The following CFAP92 variants were observed in gnomAD, a reference collection of about 807,000 sequenced individuals.
CFAP92 encodes cilia and flagella associated protein 92 (putative), also known as uncharacterized protein CFAP92.
CFAP92 carries 86 observed loss-of-function variants against 106.3 expected under a neutral mutation model. That is an observed-to-expected ratio of 0.81 (90% CI 0.68 to 0.97). The LOEUF (loss-of-function observed/expected upper bound fraction) is 0.97. Ranked by LOEUF, CFAP92 falls within the 50% of genes least tolerant of loss-of-function variation. The pLI is 0.00. For synonymous variants in CFAP92, 477 were observed against 506.4 expected, an observed-to-expected ratio of 0.94 and a Z score of 0.78; for missense variants, 1,204 against 1,283.8, an observed-to-expected ratio of 0.94 and a Z score of 0.95.
At chr3:128,944,987 T>C (rs1940059834) in intron 10 of CFAP92, 84 bp downstream of exon 10, 1 of 1,212,282 alleles carries the variant, frequency 8.2e-7, no homozygotes. Context: ...ATGCTAAACC[T>C]AGGCTTGGCT....
upstream of CFAP92, among the ~76,000 whole-genome samples, chr3:129,002,947 T>C (rs746087275): frequency 7.9e-5 from 12 of 151,570 alleles, no homozygotes; most frequent in Non-Finnish European, 1.6e-4. Flanking sequence ...AACCATGGGG[T>C]GAGATAGGGA....
chr3:128,979,974 A>G (rs1218932309), intron 4 of CFAP92, among the ~76,000 whole-genome samples: 1 of 147,432 alleles, frequency 6.8e-6, no homozygotes, highest in Non-Finnish European at 1.5e-5. Flanking sequence ...ATATATATAA[A>G]AGAAAAAAGA....
At chr3:128,956,683 T>TAA (rs1009703358) in intron 9 of CFAP92, among the ~76,000 whole-genome samples, 1 of 147,776 alleles carries the variant, frequency 6.8e-6, no homozygotes, top group African/African-American at 2.5e-5. Context: ...TTTCAAGTGT[T>TAA]AAAAAAAAAA....
At chr3:128,958,012 T>C (rs1465281334) in intron 9 of CFAP92, among the ~76,000 whole-genome samples, 1 of 152,184 alleles carries the variant, frequency 6.6e-6, no homozygotes, top group Non-Finnish European at 1.5e-5. Context: ...CCACTTTCCA[T>C]GTGGCGTTCT....
intron 15 of CFAP92, chr3:128,913,093 T>C (rs1425511342): frequency 2.2e-6 from 1 of 452,534 alleles, no homozygotes; most frequent in Non-Finnish European, 4.4e-6. Flanking sequence ...GAATATAAAA[T>C]GTCACAATCT....
chr3:129,009,839 C>T, the CFAP92 span, among the ~76,000 whole-genome samples: 585 of 152,340 alleles, frequency 3.8e-3, 6 homozygotes, highest in African/African-American at 0.013. Context: ...TTCCTGGATG[C>T]TGGGTGCTTT....
chr3:128,938,491 C>CTT (rs11361650), intron 10 of CFAP92, among the ~76,000 whole-genome samples: 116 of 135,834 alleles, frequency 8.5e-4, no homozygotes, highest in African/African-American at 2.7e-3. Context: ...CTTCACCATT[C>CTT]TTTTTTTTTT....
chr3:129,013,975 G>A, the CFAP92 span, among the ~76,000 whole-genome samples: 3 of 152,282 alleles, frequency 2.0e-5, no homozygotes, highest in Admixed American at 6.5e-5. Flanking sequence ...TTGGGGGTGG[G>A]GGCTTTTCCG....
At chr3:128,988,972 C>T in intron 2 of CFAP92, 54 bp from the exon 3 acceptor site, 1 of 1,373,102 alleles carries the variant, frequency 7.3e-7, no homozygotes, top group Non-Finnish European at 1.0e-6. Context: ...GAAAAGCAGA[C>T]CCGTCTCCCC....
At chr3:129,024,751 A>G in the CFAP92 span, among the ~76,000 whole-genome samples, 3 of 151,752 alleles carry the variant, frequency 2.0e-5, no homozygotes, top group Non-Finnish European at 4.4e-5. Context: ...GTGAGGGCAG[A>G]GCTCTCATGG....
intron 11 of CFAP92, among the ~76,000 whole-genome samples, chr3:128,934,462 A>G (rs1938761336): frequency 6.6e-6 from 1 of 151,656 alleles, no homozygotes; most frequent in Non-Finnish European, 1.5e-5. Flanking sequence ...CAGGTGATCC[A>G]CCCGCCTTGG....
Position 128,978,094 on chromosome 3 carries a change from A to T in CFAP92, c.759T>A (p.His253Gln), listed in dbSNP as rs779792164. The T allele has an allele frequency of 6.2e-7, 1 of 1,613,846 alleles. No homozygotes were observed. The highest frequency in any genetic ancestry group is 8.5e-7 in the Non-Finnish European group (1 of 1,179,880). ...CTGTTTTTTCTTGTTTTCCTGGCGGATGTTCCTGGTTCGACTCTTCTCTGA... is the reference window on the plus strand; with the variant it reads ...CTGTTTTTTCTTGTTTTCCTGGCGGTTGTTCCTGGTTCGACTCTTCTCTGA... ...NIVREESNQEHPPGKQEKTEK... is the reference protein window; with the variant it reads ...NIVREESNQEQPPGKQEKTEK... Residue 253 changes from histidine to glutamine, a missense_variant, in exon 5 of 16, where the codon CAT (histidine) becomes CAA (glutamine). His to Gln is a conservative substitution (Grantham distance 24). Transcript: ENST00000645291.
intron 15 of CFAP92, among the ~76,000 whole-genome samples, chr3:128,913,316 G>A (rs961121751): frequency 6.6e-6 from 1 of 152,180 alleles, no homozygotes; most frequent in African/African-American, 2.4e-5. Flanking sequence ...ATCCTTCTCA[G>A]GAGATGATGG....
chr3:128,935,469 T>C (rs1273181393), intron 10 of CFAP92, 150 bp from the exon 11 acceptor site: 6 of 507,048 alleles, frequency 1.2e-5, no homozygotes, highest in Non-Finnish European at 1.7e-5. Flanking sequence ...CCCAGCACTT[T>C]GGGAGGCTGA....
intron 9 of CFAP92, among the ~76,000 whole-genome samples, chr3:128,960,295 A>C (rs1941791775): frequency 6.6e-6 from 1 of 152,194 alleles, no homozygotes; most frequent in Admixed American, 6.5e-5. Flanking sequence ...TTGGGAGATC[A>C]ATCCCCCGTC....
At chr3:129,002,505 C>A in intron 1 of CFAP92, 1 of 1,213,572 alleles carries the variant, frequency 8.2e-7, no homozygotes, top group Non-Finnish European at 1.1e-6. Context: ...CATTCCACTC[C>A]AGTCCCCAAC....
chr3:129,003,440 C>A, upstream of CFAP92: 1 of 290,270 alleles, frequency 3.4e-6, no homozygotes, highest in Non-Finnish European at 5.1e-6. Flanking sequence ...AGATGAGGAA[C>A]CGCCACCCGG....
intron 4 of CFAP92, among the ~76,000 whole-genome samples, chr3:128,985,931 G>C (rs1943827580): frequency 6.6e-6 from 1 of 152,192 alleles, no homozygotes; most frequent in Non-Finnish European, 1.5e-5. Flanking sequence ...CTGGCAGCTA[G>C]TGGGTAGAGG....
intron 8 of CFAP92, chr3:128,971,054 T>G (rs1576578406): frequency 1.7e-6 from 1 of 582,296 alleles, no homozygotes; most frequent in Non-Finnish European, 3.0e-6. Flanking sequence ...CAGAGCTGGG[T>G]TCAAGTCCAG....
Sources: gnomAD v4.1 joint callset for allele counts (sites outside exome capture counted in the v4.1 genomes callset) on GRCh38, gnomAD v4.1.1 for gene constraint, MANE v1.5 for transcripts, NCBI Gene and HGNC (gene_info 2026-07-23, HGNC 2026-07-21) for gene names.